Variants in GNPAT observed in about 807,000 individuals in gnomAD.
The protein encoded by GNPAT is glyceronephosphate O-acyltransferase, also known as dihydroxyacetone phosphate acyltransferase.
GNPAT carries 30 observed loss-of-function variants against 78.4 expected under a neutral mutation model. The observed-to-expected ratio is 0.38, with a 90% confidence interval of 0.29 to 0.52. The LOEUF is 0.52. Among genes scored for constraint, GNPAT ranks in the 20% least tolerant of loss-of-function variants. The pLI is 0.84. For synonymous variants in GNPAT, 271 were observed against 281.1 expected (o/e 0.96, Z 0.36); for missense variants, 714 against 812.2 (o/e 0.88, Z 1.47).
rs748666053 is a variant in GNPAT at position 231,258,622 on chromosome 1, ATTTTTTTTTTTTTTT to A, written c.262-1872_262-1858del. On this transcript the variant is annotated intron_variant, in intron 2 of 15. Coordinates refer to ENST00000366647, the MANE Select transcript of GNPAT (RefSeq NM_014236.4). Reference sequence around the variant, plus strand: ...TTTATGTTATGTGTATTTTAATGCAATTTTTTTTTTTTTTTTTTTTTTTTTTTGAGACAGAGTCTC... The same window carrying A: ...TTTATGTTATGTGTATTTTAATGCAATTTTTTTTTTTTGAGACAGAGTCTC... Among the ~76,000 whole-genome samples the A allele has an allele frequency of 2.3e-4, 17 of 73,762 alleles. No individual in the cohort carries two copies. The Admixed American group carries it at 2.5e-3, about 11-fold the overall frequency. 48.4% of individuals were successfully genotyped at this position (73,762 alleles called of 152,430 possible).
Position 231,266,371 on chromosome 1 carries a change from G to A in GNPAT, c.1019G>A (p.Gly340Glu). The A allele has an allele frequency of 6.2e-7, 1 of 1,613,988 alleles. No individual in the cohort carries two copies. The highest frequency in any genetic ancestry group is 8.5e-7 in the Non-Finnish European group (1 of 1,179,872). The change falls in exon 8 of 16, where the codon GGG becomes GAG. Residue 340 changes from glycine (G) to glutamate (E), a missense_variant. Coordinates refer to ENST00000366647, the MANE Select transcript of GNPAT (RefSeq NM_014236.4). ...GTGTCACTTCGATCTTTGGCAGCTG[G>A]GAGGATGAGTCGGAGCTCATATAAC... ...DPVSLRSLAA[G>E]RMSRSSYNLV...
chr1:231,263,586 T>C (rs1383481600), intron 4 of GNPAT, among the ~76,000 whole-genome samples: 1 of 152,170 alleles, frequency 6.6e-6, no homozygotes, highest in Non-Finnish European at 1.5e-5. Context: ...CTGCTTTCCA[T>C]TTTTTTATAT....
At chr1:231,276,264 G>T in intron 15 of GNPAT, 68 bp downstream of exon 15, 1 of 776,496 alleles carries the variant, frequency 1.3e-6, no homozygotes, top group South Asian at 1.4e-5. Flanking sequence ...AAAGTATACT[G>T]TGGCACCAAA....
At chr1:231,251,418 G>A (rs978462165) in intron 2 of GNPAT, among the ~76,000 whole-genome samples, 3 of 152,100 alleles carry the variant, frequency 2.0e-5, no homozygotes, top group African/African-American at 7.2e-5. Flanking sequence ...GTGCAGGGGC[G>A]CTAATTAATT....
intron 1 of GNPAT, among the ~76,000 whole-genome samples, chr1:231,245,642 G>A (rs1355527967): frequency 6.6e-6 from 1 of 152,182 alleles, no homozygotes; most frequent in African/African-American, 2.4e-5. Context: ...TTTTCATGAA[G>A]TTTGTGAGCC....
Position 231,274,369 on chromosome 1 carries a change from T to C in GNPAT, c.1743+307T>C, listed in dbSNP as rs578945. 0.46 allele frequency among the ~76,000 whole-genome samples: 69,352 copies of C among 152,060 alleles called. 16,015 individuals carry two copies. Among genetic ancestry groups the C allele is most frequent in the Middle Eastern group, 0.52 (152 of 294 alleles). On this transcript the variant is annotated intron_variant, in intron 12 of 15. Coordinates refer to ENST00000366647, the MANE Select transcript of GNPAT (RefSeq NM_014236.4). ...TGTCATACTGTGTCTCATGTCTTAA[T>C]GAGGCCTTCATGTCAGTCAATATGT...
chr1:231,247,290 A>G (rs1558323992), intron 1 of GNPAT, among the ~76,000 whole-genome samples: 1 of 152,102 alleles, frequency 6.6e-6, no homozygotes, highest in Non-Finnish European at 1.5e-5. Context: ...TCTGTAATTT[A>G]TTTTTTCATT....
intron 8 of GNPAT, 41 bp downstream of exon 8, chr1:231,266,448 T>TA (rs1438710180): frequency 2.5e-6 from 4 of 1,578,792 alleles, no homozygotes; most frequent in Non-Finnish European, 3.5e-6. Flanking sequence ...AAATGAGGAT[T>TA]AAAATCCAAA....
intron 4 of GNPAT, among the ~76,000 whole-genome samples, chr1:231,265,062 T>G (rs1685336888): frequency 6.6e-6 from 1 of 152,186 alleles, no homozygotes; most frequent in South Asian, 2.1e-4. Flanking sequence ...TTAATAATGT[T>G]TGAGTTTAGG....
At chr1:231,250,502 TTGAA>T (rs1365424844) in intron 1 of GNPAT, among the ~76,000 whole-genome samples, 3 of 152,212 alleles carry the variant, frequency 2.0e-5, no homozygotes, top group Non-Finnish European at 4.4e-5. Context: ...CGCTTGTTTC[TTGAA>T]TGATTTTTCC....
rs780069844 is a variant in GNPAT, at chr1:231,267,667, C to T, written c.1056-13C>T. On this transcript the variant is annotated splice_polypyrimidine_tract_variant and intron_variant, in intron 8 of 15. Coordinates refer to ENST00000366647, the MANE Select transcript of GNPAT (RefSeq NM_014236.4). ...CAGAACTGTAATTTGTTGCTCTGTG[C>T]TCTTCCTTTTAGATACATTCCTCAG... The T allele has an allele frequency of 4.2e-6, 6 of 1,420,100 alleles. No individual in the cohort carries two copies. The highest frequency in any genetic ancestry group is 2.3e-5 in the South Asian group (2 of 87,266). 88.0% of individuals were successfully genotyped at this position (1,420,100 alleles called of 1,614,324 possible). A position where few individuals can be genotyped will look rare whatever the true frequency, so the allele number is the denominator to read the frequency against.
At chr1:231,243,310 TTTTTTG>T (rs200975445) in intron 1 of GNPAT, among the ~76,000 whole-genome samples, 13 of 152,244 alleles carry the variant, frequency 8.5e-5, no homozygotes, top group South Asian at 4.2e-4. Flanking sequence ...CTGATCTTCC[TTTTTTG>T]TTTTTGTTTT....
At chr1:231,260,098 T>C (rs1378051082) in intron 2 of GNPAT, among the ~76,000 whole-genome samples, 2 of 152,244 alleles carry the variant, frequency 1.3e-5, no homozygotes, top group South Asian at 2.1e-4. Flanking sequence ...GTAATTTCAA[T>C]GTGATCTTGT....
At chr1:231,255,526 C>T (rs145576514) in intron 2 of GNPAT, among the ~76,000 whole-genome samples, 55 of 152,280 alleles carry the variant, frequency 3.6e-4, no homozygotes, top group East Asian at 2.5e-3. Flanking sequence ...TGGGCTCAAG[C>T]GATCTTCCTG....
chr1:231,244,692 G>A (rs1271729163), intron 1 of GNPAT, among the ~76,000 whole-genome samples: 1 of 152,160 alleles, frequency 6.6e-6, no homozygotes, highest in Non-Finnish European at 1.5e-5. Context: ...GATCCAAGTA[G>A]GGTTAGAAAT....
At chr1:231,264,643 A>AT in intron 4 of GNPAT, among the ~76,000 whole-genome samples, 1 of 152,350 alleles carries the variant, frequency 6.6e-6, no homozygotes, top group East Asian at 1.9e-4. Context: ...GAGAAAGACT[A>AT]TTTTAAAACT....
chr1:231,241,368 G>C lies in GNPAT; in HGVS notation c.-11G>C. The C allele has an allele frequency of 6.2e-7, 1 of 1,610,500 alleles. No homozygotes were observed. Among genetic ancestry groups the C allele is most frequent in the Non-Finnish European group, 8.5e-7 (1 of 1,176,676 alleles). ...AGAATCCCAGACCCCGCCCGGGAAG[G>C]CAGCCGCACCATGGAGTCTTCCAGT... On this transcript the variant is annotated 5_prime_UTR_variant, in exon 1 of 16. Transcript: ENST00000366647.
intron 1 of GNPAT, among the ~76,000 whole-genome samples, chr1:231,250,294 G>T (rs879685762): frequency 6.6e-6 from 1 of 151,950 alleles, no homozygotes. Context: ...AACTGGGCTT[G>T]GTGGTATGCA....
chr1:231,256,779 C>T (rs1238943070), intron 2 of GNPAT, among the ~76,000 whole-genome samples: 1 of 152,206 alleles, frequency 6.6e-6, no homozygotes, highest in Non-Finnish European at 1.5e-5. Context: ...AGCCACTGCG[C>T]CCGGCCAATT....
Sources: gnomAD v4.1 joint callset for allele counts (sites outside exome capture counted in the v4.1 genomes callset) on GRCh38, gnomAD v4.1.1 for gene constraint, MANE v1.5 for transcripts, NCBI Gene and HGNC (gene_info 2026-07-23, HGNC 2026-07-21) for gene names.